Variants in AFAP1 observed in about 807,000 individuals in gnomAD.
AFAP1 encodes actin filament associated protein 1.
In AFAP1, 75 loss-of-function variants were observed where a neutral mutation model predicts 93.9. The ratio of observed to expected loss-of-function variants is 0.80; its 90% CI spans 0.66 to 0.97. The LOEUF (loss-of-function observed/expected upper bound fraction) is 0.97. AFAP1 is among the 50% of genes least tolerant of loss of function. The pLI is 0.00. For missense variants in AFAP1, 1,201 were observed against 1,050.8 expected, an observed-to-expected ratio of 1.14 and a Z score of -1.98; for synonymous variants, 517 against 430.7, an observed-to-expected ratio of 1.20 and a Z score of -2.48.
At chr4:7,899,951 G>A (rs1719020829) in intron 1 of AFAP1, among the ~76,000 whole-genome samples, 1 of 152,088 alleles carries the variant, frequency 6.6e-6, no homozygotes, top group South Asian at 2.1e-4. Flanking sequence ...ACCTCATATG[G>A]CAAAAGTACT....
chr4:7,800,364 G>T, intron 10 of AFAP1, 78 bp downstream of exon 10: 1 of 1,447,558 alleles, frequency 6.9e-7, no homozygotes, highest in East Asian at 2.4e-5. Context: ...TTTGATAGAG[G>T]AGTCAGCATT....
intron 3 of AFAP1, among the ~76,000 whole-genome samples, chr4:7,855,792 T>C (rs899512123): frequency 5.3e-5 from 8 of 152,190 alleles, no homozygotes; most frequent in African/African-American, 1.9e-4. Context: ...CCACATGCCG[T>C]CCAGTTCACA....
chr4:7,938,785 G>A (rs1346020491), intron 1 of AFAP1, among the ~76,000 whole-genome samples: 1 of 152,098 alleles, frequency 6.6e-6, no homozygotes, highest in African/African-American at 2.4e-5. Flanking sequence ...GCTCCGGGCA[G>A]TAGGGCCCTG....
chr4:7,791,861 A>C (rs1469278658), intron 11 of AFAP1, among the ~76,000 whole-genome samples: 12 of 147,714 alleles, frequency 8.1e-5, no homozygotes, highest in East Asian at 2.1e-4. Flanking sequence ...ACAAAAACAA[A>C]AAACAACAAC....
intron 1 of AFAP1, among the ~76,000 whole-genome samples, chr4:7,933,371 G>A (rs142459035): frequency 0.025 from 3,756 of 152,178 alleles, 147 homozygotes; most frequent in African/African-American, 0.084. Context: ...TCAAGAGATC[G>A]AGACCATCCT....
At position 7,819,297 on chromosome 4, in the gene AFAP1, C is replaced by G. The variant is rs1433973648; in HGVS notation, c.727-126G>C. On this transcript the variant is annotated intron_variant, in intron 6 of 17. Coordinates refer to ENST00000420658, the MANE Select transcript of AFAP1 (RefSeq NM_001134647.2). ...AAATTCATGGGCTCAAAGCACCTGGCTCTGAGTTCCAGCGTGCCAGGTACT... is the reference window on the plus strand; with the variant it reads ...AAATTCATGGGCTCAAAGCACCTGGGTCTGAGTTCCAGCGTGCCAGGTACT... The G allele has an allele frequency of 6.5e-6, 5 of 766,264 alleles. No individual in the cohort carries two copies. In the African/African-American group the frequency reaches 8.8e-5, roughly 13 times the overall value. 47.5% of individuals were successfully genotyped at this position (766,264 alleles called of 1,614,324 possible). A position where few individuals can be genotyped will look rare whatever the true frequency, so the allele number is the denominator to read the frequency against.
At chr4:7,928,721 A>G (rs2149243362) in intron 1 of AFAP1, among the ~76,000 whole-genome samples, 1 of 152,290 alleles carries the variant, frequency 6.6e-6, no homozygotes, top group Admixed American at 6.5e-5. Flanking sequence ...TAAACCTGTT[A>G]TTACTATCAA....
rs74576548 is a variant in AFAP1 at position 7,849,904 on chromosome 4, A to C, written c.334+5562T>G. ...AACACTGACTCTCCTTCTGCATCAC[A>C]GATTCTCCACTCTTTCATGCTGCTG... On this transcript the variant is annotated intron_variant, in intron 4 of 17. Coordinates refer to ENST00000420658, the MANE Select transcript of AFAP1 (RefSeq NM_001134647.2). Among the ~76,000 whole-genome samples the C allele has an allele frequency of 6.9e-3, 1,051 of 151,774 alleles. 6 individuals are homozygous for C. The highest frequency in any genetic ancestry group is 0.021 in the Middle Eastern group (6 of 292).
At chr4:7,933,125 T>C (rs1419638477) in intron 1 of AFAP1, among the ~76,000 whole-genome samples, 1 of 151,228 alleles carries the variant, frequency 6.6e-6, no homozygotes, top group African/African-American at 2.4e-5. Flanking sequence ...CCTCCCAGGC[T>C]GCTGTAGTAA....
At chr4:7,771,055 C>T (rs1348768925) in intron 16 of AFAP1, among the ~76,000 whole-genome samples, 1 of 152,266 alleles carries the variant, frequency 6.6e-6, no homozygotes, top group Non-Finnish European at 1.5e-5. Flanking sequence ...TCCCCCTGCA[C>T]CCCTCCTCCT....
chr4:7,931,374 A>C (rs1272796212), intron 1 of AFAP1, among the ~76,000 whole-genome samples: 1 of 152,100 alleles, frequency 6.6e-6, no homozygotes, highest in African/African-American at 2.4e-5. Flanking sequence ...CAAGAATAGT[A>C]TATTAAGTGA....
At chr4:7,894,049 G>A (rs937017403) in intron 1 of AFAP1, among the ~76,000 whole-genome samples, 9 of 152,156 alleles carry the variant, frequency 5.9e-5, no homozygotes, top group Admixed American at 2.0e-4. Flanking sequence ...CCCAAACGCT[G>A]CACTTGGCCT....
chr4:7,894,946 A>G (rs975674263), intron 1 of AFAP1, among the ~76,000 whole-genome samples: 9 of 152,230 alleles, frequency 5.9e-5, no homozygotes, highest in Non-Finnish European at 1.3e-4. Flanking sequence ...CTCCCCAGGC[A>G]GATGGCTCCG....
intron 8 of AFAP1, among the ~76,000 whole-genome samples, chr4:7,814,523 GTTC>G (rs1422354098): frequency 6.6e-6 from 1 of 152,212 alleles, no homozygotes; most frequent in Non-Finnish European, 1.5e-5. Flanking sequence ...CAGCTCAAAT[GTTC>G]TTCAAGAGGT....
chr4:7,766,737 G>A (rs1035514050), intron 17 of AFAP1, among the ~76,000 whole-genome samples: 1 of 152,194 alleles, frequency 6.6e-6, no homozygotes, highest in Non-Finnish European at 1.5e-5. Context: ...CAGAGCCACA[G>A]TTTCCATGCC....
chr4:7,835,042 C>T (rs1712132560), intron 6 of AFAP1, among the ~76,000 whole-genome samples: 4 of 109,740 alleles, frequency 3.6e-5, no homozygotes, highest in Non-Finnish European at 5.5e-5. Flanking sequence ...CTGTGGGCTG[C>T]CTTAAGGTTA....
rs778971124 is a variant in AFAP1, at chr4:7,847,262, A to G, written c.335-3912T>C. Among the ~76,000 whole-genome samples, 15 of 152,264 alleles carry G rather than the reference A, an allele frequency of 9.9e-5. No individual in the cohort carries two copies. The South Asian group carries it at 2.5e-3, about 25-fold the overall frequency. Reference sequence around the variant, plus strand: ...TGACCCAATCAAGAGAACTCTCCAGAAAGTATGCTTAGCAATGACCCAATC... The same window carrying G: ...TGACCCAATCAAGAGAACTCTCCAGGAAGTATGCTTAGCAATGACCCAATC... On this transcript the variant is annotated intron_variant, in intron 4 of 17. Transcript: ENST00000420658.
intron 1 of AFAP1, among the ~76,000 whole-genome samples, chr4:7,937,123 A>C (rs945897571): frequency 6.6e-6 from 1 of 152,262 alleles, no homozygotes; most frequent in Non-Finnish European, 1.5e-5. Flanking sequence ...GTTGCACATA[A>C]AACAATTATG....
At chr4:7,806,886 G>A (rs1329491579) in intron 9 of AFAP1, among the ~76,000 whole-genome samples, 5 of 151,822 alleles carry the variant, frequency 3.3e-5, no homozygotes, top group Non-Finnish European at 7.4e-5. Flanking sequence ...AAGTGCCCAA[G>A]AAGAGGGTTT....
Sources: allele counts gnomAD v4.1 joint callset (sites outside exome capture counted in the v4.1 genomes callset), GRCh38; gene constraint gnomAD v4.1.1; transcripts MANE v1.5; gene names NCBI Gene and HGNC (gene_info 2026-07-23, HGNC 2026-07-21).